The following SOX5 variants were observed in gnomAD, a reference collection of about 807,000 sequenced individuals.
SOX5 encodes transcription factor SOX-5.
In SOX5, 9 loss-of-function variants were observed where a neutral mutation model predicts 92.0. The ratio of observed to expected loss-of-function variants is 0.10; its 90% CI spans 0.06 to 0.17. The LOEUF is 0.17. SOX5 is among the 10% of genes least tolerant of loss of function. The pLI is 1.00. For synonymous variants in SOX5, 344 were observed against 336.3 expected (o/e 1.02, Z -0.25); for missense variants, 642 against 944.5 (o/e 0.68, Z 4.20).
At chr12:24,483,839 T>G (rs907074887) in intron 1 of SOX5, among the ~76,000 whole-genome samples, 3 of 152,244 alleles carry the variant, frequency 2.0e-5, no homozygotes, top group Non-Finnish European at 4.4e-5. Flanking sequence ...TGCATTCTCT[T>G]TAGTAATTCT....
At chr12:24,261,017 C>A (rs1942004801) in intron 3 of SOX5, among the ~76,000 whole-genome samples, 1 of 152,132 alleles carries the variant, frequency 6.6e-6, no homozygotes, top group East Asian at 1.9e-4. Context: ...AATAGTAATT[C>A]TTATAGGTTT....
chr12:24,223,257 TAAG>T (rs1565690245), intron 3 of SOX5: 1 of 152,204 alleles, frequency 6.6e-6, no homozygotes, highest in African/African-American at 2.4e-5. Context: ...TATCTGCACT[TAAG>T]AATAGAAAAG....
chr12:24,031,718 T>G (rs572766836), intron 4 of SOX5, among the ~76,000 whole-genome samples: 3 of 151,504 alleles, frequency 2.0e-5, no homozygotes, highest in South Asian at 2.1e-4. Flanking sequence ...TTACACATCC[T>G]AAAGAATGAG....
intron 1 of SOX5, among the ~76,000 whole-genome samples, chr12:24,370,184 C>T (rs1385971743): frequency 6.6e-6 from 1 of 152,166 alleles, no homozygotes; most frequent in African/African-American, 2.4e-5. Flanking sequence ...AAAAGATGTA[C>T]TGGTTTTTGG....
intron 4 of SOX5, among the ~76,000 whole-genome samples, chr12:24,107,633 C>T (rs1185199930): frequency 6.6e-6 from 1 of 152,144 alleles, no homozygotes; most frequent in Non-Finnish European, 1.5e-5. Flanking sequence ...AGCTAAAGCT[C>T]CCTAAGGAAG....
intron 4 of SOX5, among the ~76,000 whole-genome samples, chr12:23,981,100 A>C (rs1230603090): frequency 6.6e-6 from 1 of 152,088 alleles, no homozygotes; most frequent in Non-Finnish European, 1.5e-5. Context: ...TGTTTGAATT[A>C]TATCTATATG....
At chr12:24,202,839 A>C (rs1957658313) in intron 4 of SOX5, among the ~76,000 whole-genome samples, 1 of 152,158 alleles carries the variant, frequency 6.6e-6, no homozygotes, top group African/African-American at 2.4e-5. Context: ...TGGTGATGTT[A>C]ACTTTGATCA....
chr12:23,598,387 C>CTTTTTTT lies in SOX5; in HGVS notation c.1164+5993_1164+5999dup, dbSNP rs201719026. On this transcript the variant is annotated intron_variant, in intron 9 of 14. Coordinates refer to ENST00000451604, the MANE Select transcript of SOX5 (RefSeq NM_006940.6). ...GTCTCTTTGTTGTCTTGTGCTTTAT[C>CTTTTTTT]TTTTTTTTTTTTTTTTTTTTTTTTT... 1.1e-3 allele frequency among the ~76,000 whole-genome samples: 104 copies of CTTTTTTT among 95,162 alleles called. 3 individuals are homozygous for CTTTTTTT. Among genetic ancestry groups the CTTTTTTT allele is most frequent in the East Asian group, 3.5e-3 (12 of 3,398 alleles). The allele number at this position is 95,162 out of a possible 152,430, so 62.4% of individuals were successfully genotyped here. A position where few individuals can be genotyped will look rare whatever the true frequency, so the allele number is the denominator to read the frequency against.
chr12:23,980,189 T>C (rs1949441851), intron 4 of SOX5, among the ~76,000 whole-genome samples: 1 of 152,128 alleles, frequency 6.6e-6, no homozygotes, highest in Admixed American at 6.5e-5. Flanking sequence ...TTGTTTGTTT[T>C]ACTGGTGAAG....
chr12:24,280,657 A>G (rs1369446729), intron 2 of SOX5, among the ~76,000 whole-genome samples: 5 of 152,130 alleles, frequency 3.3e-5, no homozygotes, highest in African/African-American at 1.2e-4. Flanking sequence ...AACAAAGGGT[A>G]TTTCATTTAC....
chr12:23,614,099 C>T (rs1292221616), intron 8 of SOX5, among the ~76,000 whole-genome samples: 2 of 152,114 alleles, frequency 1.3e-5, no homozygotes, highest in Non-Finnish European at 2.9e-5. Context: ...TTGACTTCGA[C>T]TGACTTGTAA....
intron 1 of SOX5, among the ~76,000 whole-genome samples, chr12:23,909,184 T>C (rs1290948581): frequency 6.6e-6 from 1 of 152,166 alleles, no homozygotes; most frequent in Non-Finnish European, 1.5e-5. Flanking sequence ...GTAATATTAC[T>C]ATTAAGTTCC....
intron 4 of SOX5, among the ~76,000 whole-genome samples, chr12:24,087,480 C>A (rs1569538510): frequency 6.6e-6 from 1 of 152,062 alleles, no homozygotes; most frequent in Admixed American, 6.6e-5. Context: ...GCTTTGCCTA[C>A]AAGTGTCAGG....
rs181161141 is a variant in SOX5, at chr12:24,470,340, C to G, written c.-251+91989G>C. Among the ~76,000 whole-genome samples the G allele has an allele frequency of 2.5e-4, 38 of 152,160 alleles. 1 individual carries two copies. In the East Asian group the frequency reaches 7.0e-3, roughly 28 times the overall value. On this transcript the variant is annotated intron_variant, in intron 1 of 4. Transcript: ENST00000446891. ...AAAGATAGATCATTACTGACACATCCACAATAAGGGAGGTAACTAGGAGTA... is the reference window on the plus strand; with the variant it reads ...AAAGATAGATCATTACTGACACATCGACAATAAGGGAGGTAACTAGGAGTA...
chr12:24,531,048 A>G (rs761452411), intron 1 of SOX5, among the ~76,000 whole-genome samples: 29 of 152,206 alleles, frequency 1.9e-4, no homozygotes, highest in Non-Finnish European at 2.9e-4. Flanking sequence ...ATGATTGTGT[A>G]TATTTCTTAC....
chr12:23,764,053 T>C (rs1183308799), intron 3 of SOX5, among the ~76,000 whole-genome samples: 3 of 151,986 alleles, frequency 2.0e-5, no homozygotes, highest in Non-Finnish European at 4.4e-5. Context: ...TAGCTATTAG[T>C]TACAATGAGA....
chr12:24,501,234 GCA>G (rs1323864454), intron 1 of SOX5, among the ~76,000 whole-genome samples: 2 of 152,062 alleles, frequency 1.3e-5, no homozygotes, highest in Non-Finnish European at 2.9e-5. Context: ...CTCATTAAGA[GCA>G]GTTTTAGCAC....
At chr12:24,190,134 T>C (rs1357608952) in intron 4 of SOX5, among the ~76,000 whole-genome samples, 1 of 152,194 alleles carries the variant, frequency 6.6e-6, no homozygotes, top group East Asian at 1.9e-4. Context: ...TAGAATATAG[T>C]AACCAAAATA....
intron 2 of SOX5, among the ~76,000 whole-genome samples, chr12:24,319,549 T>G (rs1247081971): frequency 6.6e-6 from 1 of 152,214 alleles, no homozygotes; most frequent in East Asian, 1.9e-4. Flanking sequence ...CTCACTGCTA[T>G]TTTCTTTCTC....
Sources: allele counts gnomAD v4.1 joint callset (sites outside exome capture counted in the v4.1 genomes callset), GRCh38; gene constraint gnomAD v4.1.1; transcripts MANE v1.5; gene names NCBI Gene and HGNC (gene_info 2026-07-23, HGNC 2026-07-21).